The following ACMSD variants were observed in gnomAD, a reference collection of about 807,000 sequenced individuals.
The protein encoded by ACMSD is aminocarboxymuconate semialdehyde decarboxylase.
ACMSD carries 37 observed loss-of-function variants against 45.9 expected under a neutral mutation model. The observed-to-expected ratio is 0.81, with a 90% CI of 0.62 to 1.06. The LOEUF is 1.06. ACMSD is among the 50% of genes least tolerant of loss of function. The pLI, the probability that ACMSD is intolerant of heterozygous loss-of-function variation, is 0.00. For synonymous variants in ACMSD, 138 were observed against 148.8 expected, an observed-to-expected ratio of 0.93 and a Z score of 0.53; for missense variants, 434 against 420.9, an observed-to-expected ratio of 1.03 and a Z score of -0.27.
intron 1 of ACMSD, among the ~76,000 whole-genome samples, chr2:134,844,062 T>C (rs1686937793): frequency 6.6e-6 from 1 of 152,188 alleles, no homozygotes. Flanking sequence ...GTAAGGCTTG[T>C]CATAGATGGG....
At chr2:134,872,875 C>A in intron 8 of ACMSD, 1 of 481,912 alleles carries the variant, frequency 2.1e-6, no homozygotes, top group Non-Finnish European at 3.7e-6. Context: ...AGAGAAATCC[C>A]AGATCATCTA....
chr2:134,853,798 G>A (rs1348036312), intron 2 of ACMSD, among the ~76,000 whole-genome samples: 7 of 152,080 alleles, frequency 4.6e-5, no homozygotes, highest in Non-Finnish European at 7.4e-5. Context: ...ACTTGCTACC[G>A]TTCATTTTTC....
At chr2:134,849,998 ACG>A (rs944033227) in intron 2 of ACMSD, among the ~76,000 whole-genome samples, 2 of 144,224 alleles carry the variant, frequency 1.4e-5, no homozygotes, top group African/African-American at 5.2e-5. Flanking sequence ...ACACACACAC[ACG>A]TGAACATTTA....
At chr2:134,868,327 T>C (rs1688225560) in intron 6 of ACMSD, among the ~76,000 whole-genome samples, 1 of 152,130 alleles carries the variant, frequency 6.6e-6, no homozygotes, top group African/African-American at 2.4e-5. Context: ...TCTCTCATCA[T>C]CAGTTGTGGT....
intron 3 of ACMSD, among the ~76,000 whole-genome samples, chr2:134,860,213 A>C (rs1030479994): frequency 6.6e-6 from 1 of 152,208 alleles, no homozygotes; most frequent in Admixed American, 6.5e-5. Context: ...CAGTGAGCCG[A>C]CATTGCACCA....
intron 2 of ACMSD, 102 bp downstream of exon 2, chr2:134,845,379 C>A (rs2104813939): frequency 8.0e-7 from 1 of 1,244,098 alleles, no homozygotes; most frequent in East Asian, 2.3e-5. Flanking sequence ...CACTCTTCTG[C>A]CCATGTATTA....
In ACMSD at chr2:134,887,816, T is replaced by TG. The variant is rs542319838; in HGVS notation, c.850-10518dup. ...GGTGCTGAAGCAAGAATCCATCATATGGGGGGGAAATGAACCCTGACCCTA... is the reference window on the plus strand; with the variant it reads ...GGTGCTGAAGCAAGAATCCATCATATGGGGGGGGAAATGAACCCTGACCCTA... On this transcript the variant is annotated intron_variant, in intron 8 of 9. Transcript: ENST00000356140. Among the ~76,000 whole-genome samples, 25 of 152,190 alleles carry TG rather than the reference T, an allele frequency of 1.6e-4. No homozygotes were observed. In the Middle Eastern group the frequency reaches 0.01, roughly 62 times the overall value.
In ACMSD at chr2:134,871,472, C is replaced by T. The variant is rs1688432504; in HGVS notation, c.676+412C>T. Among the ~76,000 whole-genome samples the T allele has an allele frequency of 2.6e-5, 4 of 151,776 alleles. No homozygotes were observed. In the South Asian group the frequency reaches 8.3e-4, roughly 32 times the overall value. On this transcript the variant is annotated intron_variant, in intron 7 of 9. Coordinates refer to ENST00000356140, the MANE Select transcript of ACMSD (RefSeq NM_138326.3). ...TTCTAGTCACATGATGGTTTAGGAA[C>T]CAAATTCTACTTTTGTAGGCAAGTT...
At chr2:134,859,239 T>C (rs894408891) in intron 2 of ACMSD, 22 bp from the exon 3 acceptor site, 20 of 1,609,028 alleles carry the variant, frequency 1.2e-5, no homozygotes, top group Admixed American at 1.7e-5. Flanking sequence ...TGCATTTTAG[T>C]AATGTGGGTT....
At chr2:134,889,508 AT>A (rs1486705107) in intron 8 of ACMSD, among the ~76,000 whole-genome samples, 1 of 152,170 alleles carries the variant, frequency 6.6e-6, no homozygotes, top group African/African-American at 2.4e-5. Context: ...AACCAACTGA[AT>A]TGTCCAACAG....
In ACMSD at chr2:134,854,917, A is replaced by G. The variant is rs187581341; in HGVS notation, c.103-4344A>G. 1.6e-4 allele frequency among the ~76,000 whole-genome samples: 25 copies of G among 152,352 alleles called. No homozygotes were observed. The East Asian group carries it at 4.2e-3, about 26-fold the overall frequency. On this transcript the variant is annotated intron_variant, in intron 2 of 9. Coordinates refer to ENST00000356140, the MANE Select transcript of ACMSD (RefSeq NM_138326.3). ...GAGATTTAAACCCAGAGCTGTCTGA[A>G]TGCAAAGACTGTGCTCTTTGGCACT... is the stretch of plus-strand genomic sequence containing the variant.
Position 134,863,303 on chromosome 2 carries a change from ATAT to A in ACMSD, c.250-88_250-86del, listed in dbSNP as rs1399442884. 6.4e-6 allele frequency: 8 copies of A among 1,258,902 alleles called. No individual in the cohort carries two copies. In the East Asian group the frequency reaches 1.4e-4, roughly 22 times the overall value. 78.0% of individuals were successfully genotyped at this position (1,258,902 alleles called of 1,614,324 possible). A position where few individuals can be genotyped will look rare whatever the true frequency, so the allele number is the denominator to read the frequency against. On this transcript the variant is annotated intron_variant, in intron 4 of 9. Coordinates refer to ENST00000356140, the MANE Select transcript of ACMSD (RefSeq NM_138326.3). Reference sequence around the variant, plus strand: ...GTGGTAAAGCCACTGAAAATGACAAATATTATAGCCATGAGGAGGCACTGTTCA... The same window carrying A: ...GTGGTAAAGCCACTGAAAATGACAAATATAGCCATGAGGAGGCACTGTTCA...
intron 6 of ACMSD, among the ~76,000 whole-genome samples, chr2:134,870,154 G>T (rs1022987892): frequency 6.6e-6 from 1 of 152,234 alleles, no homozygotes; most frequent in Non-Finnish European, 1.5e-5. Flanking sequence ...GGAGCGGTCA[G>T]ATTTCTGAGT....
intron 1 of ACMSD, among the ~76,000 whole-genome samples, chr2:134,842,338 C>T (rs1686843201): frequency 6.6e-6 from 1 of 152,070 alleles, no homozygotes; most frequent in African/African-American, 2.4e-5. Flanking sequence ...TAAATTGGCA[C>T]TTTATACTTT....
Position 134,902,020 on chromosome 2 carries a change from T to C in ACMSD, c.*160T>C. 1 of 471,532 alleles carries C rather than the reference T, an allele frequency of 2.1e-6. No homozygotes were observed. The highest frequency in any genetic ancestry group is 3.8e-6 in the Non-Finnish European group (1 of 266,560). 29.2% of individuals were successfully genotyped at this position (471,532 alleles called of 1,614,324 possible). Reference sequence around the variant, plus strand: ...TCATAATAAAAATGATTTGTAAGTGTTTTCATTCTGAAAAGCAGTACATTA... The same window carrying C: ...TCATAATAAAAATGATTTGTAAGTGCTTTCATTCTGAAAAGCAGTACATTA... On this transcript the variant is annotated 3_prime_UTR_variant, in exon 10 of 10. Coordinates refer to ENST00000356140, the MANE Select transcript of ACMSD (RefSeq NM_138326.3).
intron 7 of ACMSD, 100 bp from the exon 8 acceptor site, chr2:134,872,369 T>C: frequency 3.7e-6 from 5 of 1,344,906 alleles, no homozygotes; most frequent in Non-Finnish European, 5.2e-6. Context: ...GTAATTACTG[T>C]TAATCAGCTG....
chr2:134,861,739 GGTCA>G (rs1687858225), intron 3 of ACMSD, among the ~76,000 whole-genome samples: 1 of 152,142 alleles, frequency 6.6e-6, no homozygotes, highest in South Asian at 2.1e-4. Flanking sequence ...TTGGAAATGG[GGTCA>G]GTTAGTTTTC....
intron 7 of ACMSD, 95 bp from the exon 8 acceptor site, chr2:134,872,374 C>T: frequency 2.2e-6 from 3 of 1,392,296 alleles, no homozygotes; most frequent in Non-Finnish European, 2.0e-6. Context: ...TACTGTTAAT[C>T]AGCTGGCCTA....
At chr2:134,869,190 T>C (rs1342941969) in intron 6 of ACMSD, 2 of 150,284 alleles carry the variant, frequency 1.3e-5, no homozygotes, top group Non-Finnish European at 2.9e-5. Flanking sequence ...AAAACTCTGA[T>C]AAGTCCCACA....
Sources: gnomAD v4.1 joint callset for allele counts (sites outside exome capture counted in the v4.1 genomes callset) on GRCh38, gnomAD v4.1.1 for gene constraint, MANE v1.5 for transcripts, NCBI Gene and HGNC (gene_info 2026-07-23, HGNC 2026-07-21) for gene names.